The following MAMDC2 variants were observed in gnomAD, a reference collection of about 807,000 sequenced individuals.
MAMDC2 encodes MAM domain containing 2.
In MAMDC2, 57 loss-of-function variants were observed where a neutral mutation model predicts 89.8. The ratio of observed to expected loss-of-function variants is 0.63; its 90% confidence interval spans 0.51 to 0.79. The LOEUF (loss-of-function observed/expected upper bound fraction) is 0.79, where lower values mean the gene tolerates loss of function less well. MAMDC2 is among the 30% of genes least tolerant of loss of function. MAMDC2 has a pLI of 0.00. For synonymous variants in MAMDC2, 313 were observed against 293.4 expected, an observed-to-expected ratio of 1.07 and a Z score of -0.68; for missense variants, 800 against 820.6, an observed-to-expected ratio of 0.97 and a Z score of 0.31.
intron 4 of MAMDC2, among the ~76,000 whole-genome samples, chr9:70,110,696 G>A (rs1325303889): frequency 6.6e-6 from 1 of 152,204 alleles, no homozygotes; most frequent in Non-Finnish European, 1.5e-5. Flanking sequence ...CAGCAGGGGA[G>A]AAGTGTGCAG....
intron 6 of MAMDC2, among the ~76,000 whole-genome samples, chr9:70,127,317 G>A (rs1434147194): frequency 6.6e-6 from 1 of 152,178 alleles, no homozygotes; most frequent in African/African-American, 2.4e-5. Context: ...ACTAAAATCT[G>A]ACCGAAAGCT....
At chr9:70,095,647 A>G (rs4237238) in intron 2 of MAMDC2, among the ~76,000 whole-genome samples, 23,563 of 152,114 alleles carry the variant, frequency 0.15, 1,852 homozygotes, top group East Asian at 0.18. Context: ...ACAGAAAGAT[A>G]CATGAGTCTG....
chr9:70,185,426 C>T (rs1424730124), intron 11 of MAMDC2, among the ~76,000 whole-genome samples: 1 of 152,190 alleles, frequency 6.6e-6, no homozygotes, highest in Non-Finnish European at 1.5e-5. Context: ...GGAGAATCCT[C>T]CCTGTCAGGA....
intron 2 of MAMDC2, among the ~76,000 whole-genome samples, chr9:70,057,763 T>C (rs1827056334): frequency 6.6e-6 from 1 of 152,122 alleles, no homozygotes; most frequent in Admixed American, 6.5e-5. Flanking sequence ...GGCACCGGAT[T>C]TTAGACTCAA....
chr9:70,211,356 C>G (rs1029106133), intron 11 of MAMDC2, among the ~76,000 whole-genome samples: 2 of 152,132 alleles, frequency 1.3e-5, no homozygotes, highest in African/African-American at 4.8e-5. Flanking sequence ...AACGTCTCTT[C>G]TCACTTCATT....
chr9:70,043,974 C>T lies in MAMDC2; in HGVS notation c.-224C>T. 2 of 606,408 alleles carry T rather than the reference C, an allele frequency of 3.3e-6. No homozygotes were observed. The highest frequency in any genetic ancestry group is 5.8e-6 in the Non-Finnish European group (2 of 342,528). The allele number at this position is 606,408 out of a possible 1,614,324, so 37.6% of individuals were successfully genotyped here. ...CTGACCTGAGGCTGCTGCTCAGCGC[C>T]GGGGCGCTGGCGCTCTCCATTCGAG... On this transcript the variant is annotated 5_prime_UTR_variant, in exon 1 of 14. Transcript: ENST00000377182.
At chr9:70,056,972 C>T (rs965720874) in intron 2 of MAMDC2, among the ~76,000 whole-genome samples, 1 of 152,096 alleles carries the variant, frequency 6.6e-6, no homozygotes, top group Non-Finnish European at 1.5e-5. Context: ...TTTCTAGTTG[C>T]AGAAAAACAA....
At chr9:70,172,350 GA>G (rs2032374484) in intron 11 of MAMDC2, among the ~76,000 whole-genome samples, 1 of 152,144 alleles carries the variant, frequency 6.6e-6, no homozygotes, top group African/African-American at 2.4e-5. Flanking sequence ...AGGGAAGGTG[GA>G]AGATGGATTA....
At chr9:70,075,369 C>A (rs184858218) in intron 2 of MAMDC2, among the ~76,000 whole-genome samples, 3 of 152,280 alleles carry the variant, frequency 2.0e-5, no homozygotes, top group Admixed American at 2.0e-4. Context: ...ATCACCTGCA[C>A]CAGAATCGCT....
chr9:70,211,599 C>T (rs530366880), intron 11 of MAMDC2, among the ~76,000 whole-genome samples: 100 of 151,964 alleles, frequency 6.6e-4, no homozygotes, highest in African/African-American at 2.3e-3. Flanking sequence ...TAGTTATTAC[C>T]GATCGTCTGA....
chr9:70,110,707 C>G (rs1828488010), intron 4 of MAMDC2, among the ~76,000 whole-genome samples: 1 of 152,098 alleles, frequency 6.6e-6, no homozygotes, highest in African/African-American at 2.4e-5. Flanking sequence ...AAGTGTGCAG[C>G]TGCACTTTCA....
intron 4 of MAMDC2, among the ~76,000 whole-genome samples, chr9:70,110,311 A>G (rs1448694368): frequency 6.6e-6 from 1 of 152,178 alleles, no homozygotes. Flanking sequence ...ACCCTGTCCT[A>G]TGGTGGTTCA....
chr9:70,110,330 T>C (rs1434330268), intron 4 of MAMDC2, among the ~76,000 whole-genome samples: 4 of 152,238 alleles, frequency 2.6e-5, no homozygotes, highest in African/African-American at 7.2e-5. Context: ...CAGTTCCTAT[T>C]TGTCTACATT....
intron 2 of MAMDC2, among the ~76,000 whole-genome samples, chr9:70,079,921 CTG>C (rs1406870088): frequency 1.3e-5 from 2 of 152,130 alleles, no homozygotes; most frequent in Non-Finnish European, 2.9e-5. Context: ...GAAAGTTTGT[CTG>C]CAAACAGAGC....
At chr9:70,075,970 A>T (rs1827521280) in intron 2 of MAMDC2, among the ~76,000 whole-genome samples, 1 of 152,210 alleles carries the variant, frequency 6.6e-6, no homozygotes, top group Non-Finnish European at 1.5e-5. Flanking sequence ...CAGGCAAGAG[A>T]ATTCCCTCTC....
At chr9:70,142,650 T>G (rs1285168991) in intron 8 of MAMDC2, among the ~76,000 whole-genome samples, 1 of 152,128 alleles carries the variant, frequency 6.6e-6, no homozygotes, top group Non-Finnish European at 1.5e-5. Context: ...GGTCTTTTCC[T>G]GGCTTGCAGA....
Position 70,113,695 on chromosome 9 carries a change from C to T in MAMDC2, c.643+563C>T, listed in dbSNP as rs191586442. On this transcript the variant is annotated intron_variant, in intron 5 of 13. Transcript: ENST00000377182. ...GAGAAGTCAGCTTTGAGGAGAAGTC[C>T]TCCACAGAAGAGAGACAAGGGCAAG... is the stretch of plus-strand genomic sequence containing the variant. 2.3e-3 allele frequency: 354 copies of T among 154,432 alleles called. 1 individual carries two copies. The highest frequency in any genetic ancestry group is 3.1e-3 in the Admixed American group (49 of 15,836). The allele number at this position is 154,432 out of a possible 1,614,324, so 9.6% of individuals were successfully genotyped here. A position where few individuals can be genotyped will look rare whatever the true frequency, so the allele number is the denominator to read the frequency against.
At chr9:70,201,921 G>T (rs1033040298) in intron 11 of MAMDC2, among the ~76,000 whole-genome samples, 71 of 142,626 alleles carry the variant, frequency 5.0e-4, no homozygotes, top group African/African-American at 1.8e-3. Context: ...ATTTTTTATT[G>T]TGTCTATTTG....
In MAMDC2 at chr9:70,202,198, T is replaced by C. The variant is rs1035473850; in HGVS notation, c.1652-16139T>C. On this transcript the variant is annotated intron_variant, in intron 11 of 13. Coordinates refer to ENST00000377182, the MANE Select transcript of MAMDC2 (RefSeq NM_153267.5). ...TTTCTCTTGTGGGCATTTAGTGCTATAAATTTCCCTCTACACACTGCTTTG... is the reference window on the plus strand; with the variant it reads ...TTTCTCTTGTGGGCATTTAGTGCTACAAATTTCCCTCTACACACTGCTTTG... Among the ~76,000 whole-genome samples the C allele has an allele frequency of 7.8e-3, 1,182 of 150,646 alleles. 6 individuals are homozygous for C. The highest frequency in any genetic ancestry group is 0.027 in the African/African-American group (1,125 of 41,124).
Sources: gnomAD v4.1 joint callset for allele counts (sites outside exome capture counted in the v4.1 genomes callset) on GRCh38, gnomAD v4.1.1 for gene constraint, MANE v1.5 for transcripts, NCBI Gene and HGNC (gene_info 2026-07-23, HGNC 2026-07-21) for gene names.